Variants in TBC1D8 observed in about 807,000 individuals in gnomAD.
TBC1D8 encodes the protein TBC1 domain family member 8, also known as BUB2-like protein 1.
A neutral mutation model predicts 118.8 loss-of-function variants in TBC1D8; 65 were observed. The observed-to-expected ratio is 0.55, with a 90% CI of 0.45 to 0.67. TBC1D8 has a LOEUF of 0.67. TBC1D8 is among the 30% of genes least tolerant of loss of function. The pLI, the probability that TBC1D8 is intolerant of heterozygous loss-of-function variation, is 0.00. For missense variants in TBC1D8, 1,376 were observed against 1,471.2 expected (o/e 0.94, Z 1.06); for synonymous variants, 566 against 595.8 (o/e 0.95, Z 0.73).
rs201764543 is a variant in TBC1D8 at position 101,141,798 on chromosome 2, G to GGC, written c.127+9327_127+9328dup. ...AGAATACAGAAAAACCACACATGAAGGCGCGCACACACACACACACACACA... is the reference window on the plus strand; with the variant it reads ...AGAATACAGAAAAACCACACATGAAGGCGCGCGCACACACACACACACACACA... On this transcript the variant is annotated intron_variant, in intron 1 of 19. Transcript: ENST00000409318. 7.7e-4 allele frequency among the ~76,000 whole-genome samples: 112 copies of GGC among 146,142 alleles called. 2 individuals carry two copies. Among genetic ancestry groups the GGC allele is most frequent in the Middle Eastern group, 3.5e-3 (1 of 286 alleles).
intron 1 of TBC1D8, among the ~76,000 whole-genome samples, chr2:101,146,494 G>A (rs763111170): frequency 9.2e-5 from 14 of 152,098 alleles, no homozygotes; most frequent in Admixed American, 2.0e-4. Flanking sequence ...AGGAATACAC[G>A]CAATAAAACC....
At chr2:101,008,782 G>A (rs1011873503) in intron 19 of TBC1D8, among the ~76,000 whole-genome samples, 16 of 151,486 alleles carry the variant, frequency 1.1e-4, no homozygotes, top group Non-Finnish European at 2.1e-4. Context: ...TTGCACTCCA[G>A]CCTGGGCAAC....
chr2:101,142,656 G>GA, intron 1 of TBC1D8, among the ~76,000 whole-genome samples: 1 of 152,202 alleles, frequency 6.6e-6, no homozygotes, highest in East Asian at 1.9e-4. Context: ...TCAAGTGACA[G>GA]AAAAATACAT....
intron 17 of TBC1D8, among the ~76,000 whole-genome samples, chr2:101,020,005 G>C (rs751435708): frequency 6.6e-6 from 1 of 151,492 alleles, no homozygotes; most frequent in African/African-American, 2.4e-5. Flanking sequence ...CCCGGGAGGC[G>C]GAGCTTGCAG....
intron 2 of TBC1D8, among the ~76,000 whole-genome samples, chr2:101,088,359 AT>A (rs1490827586): frequency 1.3e-5 from 2 of 151,796 alleles, no homozygotes; most frequent in Non-Finnish European, 2.9e-5. Flanking sequence ...CAGTGGCATA[AT>A]CTCGGCTCAC....
At chr2:101,072,962 T>C (rs1346649697) in intron 2 of TBC1D8, among the ~76,000 whole-genome samples, 1 of 152,194 alleles carries the variant, frequency 6.6e-6, no homozygotes, top group African/African-American at 2.4e-5. Context: ...AACACCCAAA[T>C]CATATCAGTG....
intron 2 of TBC1D8, among the ~76,000 whole-genome samples, chr2:101,075,179 CT>C (rs935334439): frequency 2.0e-5 from 3 of 152,040 alleles, no homozygotes; most frequent in African/African-American, 7.2e-5. Context: ...GGCAGATCAC[CT>C]GAGGTCAGGA....
At chr2:101,028,902 C>T (rs2105385412) in intron 12 of TBC1D8, among the ~76,000 whole-genome samples, 1 of 152,314 alleles carries the variant, frequency 6.6e-6, no homozygotes, top group East Asian at 1.9e-4. Flanking sequence ...CTGTTCAAGG[C>T]CACTGTGAGT....
At chr2:101,088,476 C>G (rs2105454876) in intron 2 of TBC1D8, among the ~76,000 whole-genome samples, 1 of 152,022 alleles carries the variant, frequency 6.6e-6, no homozygotes, top group Admixed American at 6.5e-5. Context: ...TTAGTAGAGA[C>G]GGGGTTTCAC....
chr2:101,023,637 G>T (rs1181868978), intron 15 of TBC1D8: 14 of 429,834 alleles, frequency 3.3e-5, no homozygotes, highest in Non-Finnish European at 2.4e-5. Context: ...TTTTTTTTAA[G>T]GTGAGTTGAA....
intron 1 of TBC1D8, among the ~76,000 whole-genome samples, chr2:101,126,506 AG>A (rs1293236999): frequency 1.3e-5 from 2 of 152,218 alleles, no homozygotes; most frequent in African/African-American, 2.4e-5. Flanking sequence ...GACAGATACC[AG>A]GGCCCTGTTA....
intron 2 of TBC1D8, chr2:101,068,393 G>GA (rs1683131202): frequency 1.5e-5 from 4 of 273,920 alleles, no homozygotes; most frequent in African/African-American, 2.3e-5. Context: ...AAAAGTTGCA[G>GA]AAAAAAGACC....
intron 1 of TBC1D8, among the ~76,000 whole-genome samples, chr2:101,090,809 A>G (rs1242860172): frequency 6.6e-6 from 1 of 152,222 alleles, no homozygotes; most frequent in Non-Finnish European, 1.5e-5. Context: ...CAGTCTACCT[A>G]CTTCATAGGG....
intron 10 of TBC1D8, 188 bp downstream of exon 10, chr2:101,033,356 G>C (rs1027992852): frequency 2.7e-6 from 2 of 731,430 alleles, no homozygotes; most frequent in South Asian, 3.0e-5. Context: ...CTCATGATCC[G>C]TTGATTATAA....
chr2:101,126,424 G>A (rs1000247288), intron 1 of TBC1D8, among the ~76,000 whole-genome samples: 1 of 152,136 alleles, frequency 6.6e-6, no homozygotes, highest in Non-Finnish European at 1.5e-5. Context: ...CTTCTCTGCT[G>A]GGTACATATG....
At chr2:101,108,831 T>A (rs929937430) in intron 1 of TBC1D8, among the ~76,000 whole-genome samples, 2 of 149,434 alleles carry the variant, frequency 1.3e-5, no homozygotes, top group Non-Finnish European at 3.0e-5. Context: ...GGACCTAACA[T>A]TCACAGGATG....
intron 2 of TBC1D8, among the ~76,000 whole-genome samples, chr2:101,070,783 A>G (rs546607500): frequency 6.6e-6 from 1 of 152,350 alleles, no homozygotes; most frequent in East Asian, 1.9e-4. Flanking sequence ...ATTAATTTCA[A>G]GGACTTGAGA....
At chr2:101,050,834 G>T (rs1682027996) in intron 4 of TBC1D8, among the ~76,000 whole-genome samples, 193 bp from the exon 5 acceptor site, 2 of 152,178 alleles carry the variant, frequency 1.3e-5, no homozygotes, top group South Asian at 4.1e-4. Context: ...ATGCGGGTTT[G>T]CTGTACAGAT....
At chr2:101,071,616 C>T (rs74696888) in intron 2 of TBC1D8, among the ~76,000 whole-genome samples, 1,955 of 152,202 alleles carry the variant, frequency 0.013, 16 homozygotes, top group Middle Eastern at 0.024. Flanking sequence ...TAACCCAGGT[C>T]TAGATCAGAG....
Sources: gnomAD v4.1 joint callset for allele counts (sites outside exome capture counted in the v4.1 genomes callset) on GRCh38, gnomAD v4.1.1 for gene constraint, MANE v1.5 for transcripts, NCBI Gene and HGNC (gene_info 2026-07-23, HGNC 2026-07-21) for gene names.